The following AMMECR1 variants were observed in gnomAD, a reference collection of about 807,000 sequenced individuals.
AMMECR1 encodes AMMECR nuclear protein 1.
In AMMECR1, 3 loss-of-function variants were observed where a neutral mutation model predicts 22.5. That is an observed-to-expected ratio of 0.13 (90% confidence interval 0.06 to 0.35). The LOEUF (loss-of-function observed/expected upper bound fraction) is 0.35. Ranked by LOEUF, AMMECR1 falls within the 10% of genes least tolerant of loss-of-function variation. The pLI is 1.00. For missense variants in AMMECR1, 235 were observed against 278.7 expected (o/e 0.84, Z 1.12); for synonymous variants, 130 against 116.7 (o/e 1.11, Z -0.74).
At chrX:110,315,764 GAACTA>G (rs1459238958) in intron 1 of AMMECR1, among the ~76,000 whole-genome samples, 1 of 111,868 alleles carries the variant, frequency 8.9e-6, no homozygotes, top group Non-Finnish European at 1.9e-5. Context: ...AACAGCTCAA[GAACTA>G]AACAGGAGTG....
intron 2 of AMMECR1, among the ~76,000 whole-genome samples, chrX:110,389,218 T>A (rs2068478233): frequency 8.9e-6 from 1 of 112,802 alleles, no homozygotes; most frequent in Non-Finnish European, 1.9e-5. Context: ...GAATATGCAG[T>A]ATTTATTTTA....
chrX:110,380,017 C>A (rs1033885845), intron 2 of AMMECR1, among the ~76,000 whole-genome samples: 5 of 111,811 alleles, frequency 4.5e-5, no homozygotes, highest in African/African-American at 1.6e-4. Context: ...ATCCCTCAGG[C>A]AATAAGTAGT....
At chrX:110,318,286 G>A (rs1436041287), upstream of AMMECR1, 1 of 119,526 alleles carries the variant, frequency 8.4e-6, no homozygotes, top group African/African-American at 3.3e-5. Flanking sequence ...TGGGCGCCTC[G>A]CGCCTGTCCC....
At chrX:110,229,549 C>T (rs909024361) in intron 2 of AMMECR1, among the ~76,000 whole-genome samples, 9 of 112,070 alleles carry the variant, frequency 8.0e-5, no homozygotes, top group Non-Finnish European at 1.5e-4. Context: ...CCAAGATGGC[C>T]GAACAGGAAC....
At chrX:110,210,678 C>T (rs1203086596) in intron 3 of AMMECR1, among the ~76,000 whole-genome samples, 7 of 111,931 alleles carry the variant, frequency 6.3e-5, no homozygotes, top group Non-Finnish European at 1.3e-4. Flanking sequence ...TTTACTCTCA[C>T]GAAGGTTGTT....
rs757585356 is a variant in AMMECR1, at chrX:110,318,072, C to T, written c.-1G>A. The T allele has an allele frequency of 2.5e-6, 3 of 1,193,032 alleles. No individual in the cohort carries two copies. The highest frequency in any genetic ancestry group is 3.4e-6 in the Non-Finnish European group (3 of 886,623). On this transcript the variant is annotated 5_prime_UTR_variant, in exon 1 of 6. Transcript: ENST00000262844. Reference sequence around the variant, plus strand: ...TCACCCCGCAGCAACCCGCCGCCATCTTGGAACAGTCTCCCCCACGCAGCG... The same window carrying T: ...TCACCCCGCAGCAACCCGCCGCCATTTTGGAACAGTCTCCCCCACGCAGCG...
chrX:110,345,766 G>T (rs1191768242), intron 2 of AMMECR1, among the ~76,000 whole-genome samples: 2 of 111,293 alleles, frequency 1.8e-5, no homozygotes, highest in Non-Finnish European at 3.8e-5. Context: ...AAATACAATA[G>T]TATTACCCAT....
intron 2 of AMMECR1, among the ~76,000 whole-genome samples, chrX:110,230,866 C>A (rs191484349): frequency 3.6e-5 from 4 of 111,693 alleles, no homozygotes; most frequent in African/African-American, 9.8e-5. Flanking sequence ...AACCATGGCA[C>A]GAGAACTTCG....
intron 2 of AMMECR1, among the ~76,000 whole-genome samples, chrX:110,221,666 C>T: frequency 9.1e-6 from 1 of 110,363 alleles, no homozygotes; most frequent in Middle Eastern, 4.6e-3. Context: ...AATATATATG[C>T]TTAATATGAT....
chrX:110,248,111 C>T (rs1376313175), intron 2 of AMMECR1, among the ~76,000 whole-genome samples: 1 of 111,693 alleles, frequency 9.0e-6, no homozygotes, highest in Non-Finnish European at 1.9e-5. Flanking sequence ...TGAGGCTGGC[C>T]GTGGTGGCTC....
intron 4 of AMMECR1, 144 bp downstream of exon 4, chrX:110,202,302 T>C: frequency 2.2e-6 from 1 of 446,779 alleles, no homozygotes. Flanking sequence ...ATACAGACAT[T>C]GCAGTGGCAG....
At chrX:110,278,854 T>C (rs1281032037) in intron 1 of AMMECR1, among the ~76,000 whole-genome samples, 4 of 112,016 alleles carry the variant, frequency 3.6e-5, no homozygotes, top group Non-Finnish European at 7.5e-5. Flanking sequence ...TGAACATGTT[T>C]ATCCCTAAAA....
At chrX:110,408,298 T>A (rs1569423739) in intron 2 of AMMECR1, among the ~76,000 whole-genome samples, 1 of 111,850 alleles carries the variant, frequency 8.9e-6, no homozygotes, top group Non-Finnish European at 1.9e-5. Flanking sequence ...AGAAACTGAA[T>A]GACTAGACTG....
intron 2 of AMMECR1, among the ~76,000 whole-genome samples, chrX:110,237,726 C>T (rs1332268446): frequency 8.9e-6 from 1 of 111,789 alleles, no homozygotes; most frequent in African/African-American, 3.3e-5. Context: ...CCTCATGTAA[C>T]TAAAAACCAC....
intron 1 of AMMECR1, among the ~76,000 whole-genome samples, chrX:110,428,483 G>A (rs1356325659): frequency 9.0e-6 from 1 of 111,546 alleles, no homozygotes; most frequent in African/African-American, 3.3e-5. Flanking sequence ...AATCAATGAT[G>A]ACCTTTTCCT....
chrX:110,438,366 G>C (rs2068854500), intron 1 of AMMECR1, among the ~76,000 whole-genome samples: 1 of 111,758 alleles, frequency 8.9e-6, no homozygotes, highest in South Asian at 3.8e-4. Context: ...AATGCCACAA[G>C]GTGGACATAA....
At chrX:110,286,562 C>T (rs927827640) in intron 1 of AMMECR1, among the ~76,000 whole-genome samples, 2 of 106,883 alleles carry the variant, frequency 1.9e-5, no homozygotes, top group African/African-American at 6.9e-5. Context: ...GTCCTAGGTA[C>T]TTGGGAGGCT....
intron 2 of AMMECR1, among the ~76,000 whole-genome samples, chrX:110,356,344 G>C (rs1437357051): frequency 9.2e-6 from 1 of 108,397 alleles, no homozygotes; most frequent in Admixed American, 9.9e-5. Context: ...TAGTGGAGAC[G>C]GGGTTTCACC....
At chrX:110,373,496 G>A (rs1431188604) in intron 2 of AMMECR1, among the ~76,000 whole-genome samples, 2 of 111,842 alleles carry the variant, frequency 1.8e-5, no homozygotes, top group African/African-American at 6.5e-5. Flanking sequence ...TTACGGAAGG[G>A]TTCTAACAGA....
Sources: allele counts gnomAD v4.1 joint callset (sites outside exome capture counted in the v4.1 genomes callset), GRCh38; gene constraint gnomAD v4.1.1; transcripts MANE v1.5; gene names NCBI Gene and HGNC (gene_info 2026-07-23, HGNC 2026-07-21).